Variants in TMPRSS11D observed in about 807,000 individuals in gnomAD.
TMPRSS11D encodes the protein transmembrane protease serine 11D.
TMPRSS11D carries 32 observed loss-of-function variants against 44.4 expected under a neutral mutation model. The observed-to-expected ratio is 0.72, with a 90% CI of 0.54 to 0.97. The LOEUF is 0.97. TMPRSS11D is among the 50% of genes least tolerant of loss of function. TMPRSS11D has a pLI of 0.00. For synonymous variants in TMPRSS11D, 179 were observed against 177.9 expected, an observed-to-expected ratio of 1.01 and a Z score of -0.05; for missense variants, 446 against 502.6, an observed-to-expected ratio of 0.89 and a Z score of 1.08.
chr4:67,880,747 T>G (rs1719302058), intron 1 of TMPRSS11D, among the ~76,000 whole-genome samples: 1 of 152,084 alleles, frequency 6.6e-6, no homozygotes, highest in Non-Finnish European at 1.5e-5. Flanking sequence ...TCCTCCTACC[T>G]CGGCCTTCAG....
intron 1 of TMPRSS11D, among the ~76,000 whole-genome samples, chr4:67,868,845 C>A (rs955037797): frequency 6.6e-6 from 1 of 152,052 alleles, no homozygotes; most frequent in African/African-American, 2.4e-5. Flanking sequence ...ATTGTGCAGA[C>A]AAATTTATTA....
intron 4 of TMPRSS11D, among the ~76,000 whole-genome samples, chr4:67,840,654 ATAAC>A (rs1718209364): frequency 6.6e-6 from 1 of 152,208 alleles, no homozygotes; most frequent in South Asian, 2.1e-4. Flanking sequence ...ACATTTAAAA[ATAAC>A]TAAAAGAATA....
rs116052400 is a variant in TMPRSS11D at position 67,825,192 on chromosome 4, G to A, written c.1095+540C>T. Among the ~76,000 whole-genome samples, 757 of 151,666 alleles carry A rather than the reference G, an allele frequency of 5.0e-3. 9 individuals carry two copies. The highest frequency in any genetic ancestry group is 0.017 in the African/African-American group (713 of 41,456). On this transcript the variant is annotated intron_variant, in intron 9 of 9. Transcript: ENST00000283916. ...CTTCAAGGAGTCCATGAATTATTAC[G>A]TATCTCTTAAAATTCATTTATTATA...
At chr4:67,865,045 G>T (rs566156802) in intron 1 of TMPRSS11D, among the ~76,000 whole-genome samples, 1 of 151,624 alleles carries the variant, frequency 6.6e-6, no homozygotes, top group African/African-American at 2.4e-5. Context: ...AGAAAATTCT[G>T]CCCAACTATC....
chr4:67,876,108 A>G (rs1164208132), intron 1 of TMPRSS11D, among the ~76,000 whole-genome samples: 1 of 152,164 alleles, frequency 6.6e-6, no homozygotes, highest in African/African-American at 2.4e-5. Flanking sequence ...AGTCCTGTCC[A>G]GGGGCCTGTG....
At chr4:67,878,881 G>T (rs1412488240) in intron 1 of TMPRSS11D, among the ~76,000 whole-genome samples, 1 of 152,072 alleles carries the variant, frequency 6.6e-6, no homozygotes, top group Non-Finnish European at 1.5e-5. Flanking sequence ...AGCCGAGATT[G>T]CACCACTGCA....
At chr4:67,881,165 G>T (rs4860862) in intron 1 of TMPRSS11D, among the ~76,000 whole-genome samples, 107,082 of 152,074 alleles carry the variant, frequency 0.7, 38,039 homozygotes, top group East Asian at 0.84. Flanking sequence ...TTGGATAACT[G>T]TAGGTTCCCT....
Position 67,838,271 on chromosome 4 carries a change from T to G in TMPRSS11D, c.376A>C (p.Asn126His), listed in dbSNP as rs748421401. The stretch of plus-strand genomic sequence containing the variant: ...CTGCTTTTCATTGATGCTCCATTGT[T>G]ATTTCTAGTGAATTGAAATTTCATG... ...VVMKFQFTRN[N>H]NGASMKSRIE... The change falls in exon 5 of 10, where the codon AAC becomes CAC. Residue 126 changes from asparagine (N) to histidine (H), a missense_variant. Physicochemically the swap from Asn to His is moderately conservative, Grantham distance 68. Coordinates refer to ENST00000283916, the MANE Select transcript of TMPRSS11D (RefSeq NM_004262.3). 1 of 1,601,898 alleles carries G rather than the reference T, an allele frequency of 6.2e-7. No homozygotes were observed.
intron 3 of TMPRSS11D, among the ~76,000 whole-genome samples, chr4:67,853,818 A>G (rs998135292): frequency 2.6e-5 from 4 of 152,262 alleles, no homozygotes; most frequent in African/African-American, 9.6e-5. Flanking sequence ...TAGTATTTGA[A>G]TTCATAAACA....
intron 4 of TMPRSS11D, 142 bp downstream of exon 4, chr4:67,842,416 G>GT: frequency 2.6e-6 from 2 of 770,526 alleles, no homozygotes; most frequent in East Asian, 2.7e-5. Flanking sequence ...TTTGGCATTG[G>GT]TTTTTAAGCT....
chr4:67,879,176 T>C (rs557065918), intron 1 of TMPRSS11D, among the ~76,000 whole-genome samples: 1 of 151,776 alleles, frequency 6.6e-6, no homozygotes. Context: ...TCACACAGAA[T>C]GTAAGAAGAA....
intron 3 of TMPRSS11D, among the ~76,000 whole-genome samples, chr4:67,848,175 T>C (rs1718402657): frequency 6.6e-6 from 1 of 152,254 alleles, no homozygotes; most frequent in Non-Finnish European, 1.5e-5. Context: ...AAGTATTTGT[T>C]GTTTGCAGAC....
At chr4:67,854,674 CTAATCTAG>C (rs1320917664) in intron 2 of TMPRSS11D, among the ~76,000 whole-genome samples, 1 of 152,078 alleles carries the variant, frequency 6.6e-6, no homozygotes, top group Non-Finnish European at 1.5e-5. Flanking sequence ...GACAAGATAT[CTAATCTAG>C]TAATCCAATG....
At chr4:67,850,429 A>G (rs1219033105) in intron 3 of TMPRSS11D, among the ~76,000 whole-genome samples, 2 of 151,960 alleles carry the variant, frequency 1.3e-5, no homozygotes, top group Admixed American at 6.6e-5. Flanking sequence ...GAAACCAGCA[A>G]CTGACAATAA....
At chr4:67,826,928 C>A (rs937458839) in intron 8 of TMPRSS11D, among the ~76,000 whole-genome samples, 1 of 151,892 alleles carries the variant, frequency 6.6e-6, no homozygotes, top group Non-Finnish European at 1.5e-5. Context: ...AAAAAACAAG[C>A]AAACAAACAA....
intron 3 of TMPRSS11D, among the ~76,000 whole-genome samples, chr4:67,845,874 C>T (rs1184997725): frequency 1.3e-5 from 2 of 152,042 alleles, no homozygotes; most frequent in Admixed American, 1.3e-4. Context: ...GTTAGTAGAA[C>T]AGGTCACATA....
rs780037521 is a variant in TMPRSS11D, at chr4:67,859,686, G to A, written c.9-8C>T. 3.1e-6 allele frequency: 5 copies of A among 1,610,664 alleles called. No individual in the cohort carries two copies. Among genetic ancestry groups the A allele is most frequent in the Middle Eastern group, 1.7e-4 (1 of 6,034 alleles). ...GAAGTTACACGTGCTGGCCTTACAA[G>A]AGAGAGAGATCAAAGAAAGTCATTC... On this transcript the variant is annotated splice_region_variant and splice_polypyrimidine_tract_variant and intron_variant, in intron 1 of 9. Transcript: ENST00000283916.
intron 1 of TMPRSS11D, among the ~76,000 whole-genome samples, chr4:67,874,174 G>A (rs1719124042): frequency 6.6e-6 from 1 of 152,092 alleles, no homozygotes; most frequent in Non-Finnish European, 1.5e-5. Context: ...CATAGTCTAG[G>A]TGTGTAATAG....
chr4:67,865,906 T>C (rs1412038733), intron 1 of TMPRSS11D, among the ~76,000 whole-genome samples: 3 of 151,996 alleles, frequency 2.0e-5, no homozygotes, highest in African/African-American at 7.2e-5. Flanking sequence ...AGCCAAACTC[T>C]ACAAGATGTA....
Sources: allele counts gnomAD v4.1 joint callset (sites outside exome capture counted in the v4.1 genomes callset), GRCh38; gene constraint gnomAD v4.1.1; transcripts MANE v1.5; gene names NCBI Gene and HGNC (gene_info 2026-07-23, HGNC 2026-07-21).